The following ADAM17 variants were observed in gnomAD, a reference collection of about 807,000 sequenced individuals.
ADAM17 encodes the protein ADAM metallopeptidase domain 17.
Under a neutral mutation model 96.7 loss-of-function variants are expected in ADAM17, and 39 were observed. The ratio of observed to expected loss-of-function variants is 0.40; its 90% CI spans 0.31 to 0.53. ADAM17 has a LOEUF of 0.53. ADAM17 is among the 20% of genes least tolerant of loss of function. ADAM17 has a pLI of 0.44. For synonymous variants in ADAM17, 344 were observed against 359.2 expected, an observed-to-expected ratio of 0.96 and a Z score of 0.48; for missense variants, 777 against 1,013.2, an observed-to-expected ratio of 0.77 and a Z score of 3.17.
Position 9,509,230 on chromosome 2 carries a change from CA to C in ADAM17, c.1344+748del, listed in dbSNP as rs1663591773. Among the ~76,000 whole-genome samples, 7 of 152,322 alleles carry C rather than the reference CA, an allele frequency of 4.6e-5. No homozygotes were observed. The South Asian group carries it at 1.5e-3, about 32-fold the overall frequency. Reference sequence around the variant, plus strand: ...TCCCCACCGACCCTCTTTAACTCAGCAGTGCAACTATTGTTTTCCTCACACT... The same window carrying C: ...TCCCCACCGACCCTCTTTAACTCAGCGTGCAACTATTGTTTTCCTCACACT... On this transcript the variant is annotated intron_variant, in intron 11 of 18. Coordinates refer to ENST00000310823, the MANE Select transcript of ADAM17 (RefSeq NM_003183.6).
intron 10 of ADAM17, among the ~76,000 whole-genome samples, chr2:9,514,177 CAT>C: frequency 6.6e-6 from 1 of 151,800 alleles, no homozygotes; most frequent in Middle Eastern, 3.4e-3. Flanking sequence ...ACTATGCAGC[CAT>C]AAAAAAGGAT....
chr2:9,490,555 A>AGGGTG, intron 18 of ADAM17, 37 bp from the exon 19 acceptor site: 1 of 1,569,770 alleles, frequency 6.4e-7, no homozygotes, highest in East Asian at 2.3e-5. Context: ...GATAGGAATA[A>AGGGTG]AAGATGAATC....
At chr2:9,509,902 C>T (rs893737370) in intron 11 of ADAM17, 77 bp downstream of exon 11, 40 of 1,541,962 alleles carry the variant, frequency 2.6e-5, no homozygotes, top group Middle Eastern at 3.5e-4. Flanking sequence ...GAATGGAATA[C>T]GTTTCTGAGC....
At chr2:9,509,445 A>G (rs1663605671) in intron 11 of ADAM17, among the ~76,000 whole-genome samples, 1 of 152,206 alleles carries the variant, frequency 6.6e-6, no homozygotes, top group African/African-American at 2.4e-5. Context: ...TTATTCAACA[A>G]ATATTTGTTA....
rs967009280 is a variant in ADAM17 at position 9,555,794 on chromosome 2, TA to T, written c.-190del. 4.4e-6 allele frequency: 2 copies of T among 457,432 alleles called. No homozygotes were observed. The highest frequency in any genetic ancestry group is 4.0e-5 in the African/African-American group (2 of 49,528). The allele number at this position is 457,432 out of a possible 1,614,324, so 28.3% of individuals were successfully genotyped here. ...ACGCCCCCAGAAGTGCAGGTGGCGT[TA>T]CCAAAGGCCGGCTCAGCCAGCTTCC... On this transcript the variant is annotated 5_prime_UTR_variant, in exon 1 of 19. Coordinates refer to ENST00000310823, the MANE Select transcript of ADAM17 (RefSeq NM_003183.6).
chr2:9,518,773 T>C (rs1401128628), intron 8 of ADAM17, among the ~76,000 whole-genome samples: 1 of 152,190 alleles, frequency 6.6e-6, no homozygotes, highest in Non-Finnish European at 1.5e-5. Context: ...TTTACATCCA[T>C]TTAAATCAAC....
At chr2:9,553,860 T>G (rs1053721252) in intron 1 of ADAM17, among the ~76,000 whole-genome samples, 1 of 151,588 alleles carries the variant, frequency 6.6e-6, no homozygotes, top group Middle Eastern at 3.2e-3. Flanking sequence ...TCAAGAGTTC[T>G]AGACCAGCCT....
chr2:9,490,333 G>A lies in ADAM17; in HGVS notation c.2319C>T (p.Asp773=), dbSNP rs376241260. The change falls in exon 19 of 19, where the codon GAC becomes GAT. Residue 773 remains aspartate (D), a synonymous_variant. Transcript: ENST00000310823. ...QEDPSTDSHM[D]EDGFEKDPFP... ...AGGGGTCCTTCTCAAACCCATCCTCGTCCATATGTGAGTCTGTGCTGGGGT... is the reference window on the plus strand; with the variant it reads ...AGGGGTCCTTCTCAAACCCATCCTCATCCATATGTGAGTCTGTGCTGGGGT... 48 of 1,613,938 alleles carry A rather than the reference G, an allele frequency of 3.0e-5. 1 individual carries two copies. The highest frequency in any genetic ancestry group is 2.1e-4 in the South Asian group (19 of 91,064).
chr2:9,503,873 C>G (rs1332032610), intron 12 of ADAM17, among the ~76,000 whole-genome samples: 2 of 150,422 alleles, frequency 1.3e-5, no homozygotes, highest in Non-Finnish European at 3.0e-5. Flanking sequence ...ATTATTTGGG[C>G]CAGGCATGGT....
At chr2:9,549,662 T>C (rs1018384619) in intron 1 of ADAM17, among the ~76,000 whole-genome samples, 4 of 151,990 alleles carry the variant, frequency 2.6e-5, no homozygotes, top group Non-Finnish European at 5.9e-5. Context: ...CACAGGCACA[T>C]GCCACCGCAC....
chr2:9,490,540 T>A (rs764908502), intron 18 of ADAM17, 22 bp from the exon 19 acceptor site: 20 of 1,596,558 alleles, frequency 1.3e-5, no homozygotes, highest in Non-Finnish European at 1.0e-5. Context: ...TGGGTTCAAT[T>A]GATTGATAGG....
intron 2 of ADAM17, among the ~76,000 whole-genome samples, chr2:9,539,703 T>C (rs1012307597): frequency 6.6e-6 from 1 of 152,198 alleles, no homozygotes; most frequent in Non-Finnish European, 1.5e-5. Flanking sequence ...GCTATCTTTG[T>C]TTTTGTTCTT....
intron 6 of ADAM17, among the ~76,000 whole-genome samples, chr2:9,524,099 T>C (rs1664423576): frequency 6.6e-6 from 1 of 152,040 alleles, no homozygotes; most frequent in Non-Finnish European, 1.5e-5. Context: ...TACTTGATTG[T>C]AAGAACACAG....
intron 1 of ADAM17, among the ~76,000 whole-genome samples, chr2:9,554,261 T>C (rs141653168): frequency 0.015 from 2,323 of 152,310 alleles, 34 homozygotes; most frequent in Admixed American, 0.034. Context: ...AATACATATT[T>C]ATTCTTTTTA....
In ADAM17 at chr2:9,497,157, A is replaced by T. The variant is rs763358232; in HGVS notation, c.1740T>A (p.Pro580=). 1 of 1,614,216 alleles carries T rather than the reference A, an allele frequency of 6.2e-7. No individual in the cohort carries two copies. Among genetic ancestry groups the T allele is most frequent in the Admixed American group, 1.7e-5 (1 of 60,022 alleles). Residue 580 remains proline, a synonymous_variant, in exon 14 of 19, where the codon CCT becomes CCA. Coordinates refer to ENST00000310823, the MANE Select transcript of ADAM17 (RefSeq NM_003183.6). ...CCAGCTGCTGTTCCCTCTCGCAGAA[A>T]GGGATGCATTTCCCATCCTTACACT... The part of the protein sequence containing the change: ...LGKCKDGKCI[P]FCEREQQLES...
chr2:9,510,052 G>A lies in ADAM17; in HGVS notation c.1271C>T (p.Ala424Val). The A allele has an allele frequency of 6.2e-7, 1 of 1,614,048 alleles. No homozygotes were observed. The highest frequency in any genetic ancestry group is 8.5e-7 in the Non-Finnish European group (1 of 1,179,998). Residue 424 changes from alanine (A) to valine (V), a missense_variant, in exon 11 of 19, where the codon GCC (alanine) becomes GTC (valine). Ala to Val is a moderately conservative substitution (Grantham distance 64). Coordinates refer to ENST00000310823, the MANE Select transcript of ADAM17 (RefSeq NM_003183.6). ...EHDPDGLAEC[A>V]PNEDQGGKYV... ...TTTCCCTCCCTGGTCCTCATTCGGG[G>A]CACATTCTGCTAGACCATCCGGATC...
At chr2:9,528,412 G>A (rs1383325663) in intron 4 of ADAM17, among the ~76,000 whole-genome samples, 4 of 152,040 alleles carry the variant, frequency 2.6e-5, no homozygotes, top group South Asian at 4.1e-4. Context: ...TTTTTGCCAC[G>A]TTAGGTTTTA....
intron 15 of ADAM17, 54 bp downstream of exon 15, chr2:9,494,583 A>G (rs1255187811): frequency 7.5e-6 from 12 of 1,599,922 alleles, no homozygotes; most frequent in Middle Eastern, 1.7e-4. Context: ...AGTACTTACA[A>G]AATAAAAACT....
intron 4 of ADAM17, among the ~76,000 whole-genome samples, chr2:9,530,105 G>T (rs550178136): frequency 3.4e-4 from 51 of 152,178 alleles, no homozygotes; most frequent in Non-Finnish European, 5.4e-4. Context: ...CATGTATGAG[G>T]CAGATGTAAG....
Sources: allele counts gnomAD v4.1 joint callset (sites outside exome capture counted in the v4.1 genomes callset), GRCh38; gene constraint gnomAD v4.1.1; transcripts MANE v1.5; gene names NCBI Gene and HGNC (gene_info 2026-07-23, HGNC 2026-07-21).